The following INTS13 variants were observed in gnomAD, a reference collection of about 807,000 sequenced individuals.
INTS13 encodes integrator complex subunit 13, also known as asunder, spermatogenesis regulator homolog (Drosphila).
Under a neutral mutation model 90.2 loss-of-function variants are expected in INTS13, and 35 were observed. The ratio of observed to expected loss-of-function variants is 0.39; its 90% CI spans 0.30 to 0.51. The LOEUF is 0.51. Among genes scored for constraint, INTS13 ranks in the 20% least tolerant of loss-of-function variants. The pLI is 0.80. For missense variants in INTS13, 601 were observed against 851.2 expected, an observed-to-expected ratio of 0.71 and a Z score of 3.66; for synonymous variants, 309 against 277.1, an observed-to-expected ratio of 1.11 and a Z score of -1.14.
At chr12:26,908,794 A>C (rs1951687729) in intron 15 of INTS13, among the ~76,000 whole-genome samples, 1 of 152,230 alleles carries the variant, frequency 6.6e-6, no homozygotes, top group African/African-American at 2.4e-5. Context: ...AACACTTTTC[A>C]AATATCAGCC....
At chr12:26,927,725 C>T (rs1391360382) in intron 5 of INTS13, among the ~76,000 whole-genome samples, 1 of 152,174 alleles carries the variant, frequency 6.6e-6, no homozygotes, top group Non-Finnish European at 1.5e-5. Flanking sequence ...AAGCAATTTT[C>T]CTGCCTCAGC....
chr12:26,924,797 T>A (rs980936206), intron 6 of INTS13, among the ~76,000 whole-genome samples: 3 of 152,158 alleles, frequency 2.0e-5, no homozygotes, highest in African/African-American at 7.2e-5. Flanking sequence ...TCTTTACAAT[T>A]TTTACGTCTT....
chr12:26,931,070 T>C (rs1938160146), intron 3 of INTS13, among the ~76,000 whole-genome samples: 1 of 151,854 alleles, frequency 6.6e-6, no homozygotes, highest in East Asian at 1.9e-4. Flanking sequence ...AACAGTATGA[T>C]AAAACACATT....
intron 7 of INTS13, 110 bp from the exon 8 acceptor site, chr12:26,922,810 T>C: frequency 3.5e-6 from 2 of 577,140 alleles, no homozygotes; most frequent in South Asian, 2.8e-5. Context: ...ATACATTCAA[T>C]AATAATTAGC....
In INTS13 at chr12:26,924,411, A is replaced by C. The variant is rs761654967; in HGVS notation, c.748T>G (p.Leu250Val). ...GCCAAGTCAAAATGTTGCTGTACTA[A>C]AATATTCAATTTGGTAGCAAGATGC... ...GRHLATKLNI[L>V]VQQHFDLAST... The change falls in exon 7 of 17, where the codon TTA becomes GTA. Residue 250 changes from leucine (L) to valine (V), a missense_variant. Physicochemically the swap from Leu to Val is conservative, Grantham distance 32. Transcript: ENST00000261191. 6.2e-7 allele frequency: 1 copy of C among 1,613,610 alleles called. No homozygotes were observed. The highest frequency in any genetic ancestry group is 8.5e-7 in the Non-Finnish European group (1 of 1,179,664).
rs571333926 is a variant in INTS13 at position 26,926,258 on chromosome 12, T to C, written c.585-407A>G. On this transcript the variant is annotated intron_variant, in intron 5 of 16. Transcript: ENST00000261191. ...AGTTATTTCCAAGTTATAGGATTGG[T>C]AATGCTAAAAATTTCCCCCAACTTT... Among the ~76,000 whole-genome samples the C allele has an allele frequency of 2.0e-5, 3 of 152,334 alleles. No homozygotes were observed. In the South Asian group the frequency reaches 6.2e-4, roughly 32 times the overall value.
chr12:26,934,764 G>A, intron 2 of INTS13, 134 bp from the exon 3 acceptor site: 2 of 753,002 alleles, frequency 2.7e-6, no homozygotes, highest in Middle Eastern at 7.7e-4. Flanking sequence ...TACAGAATGT[G>A]TAGTATATGC....
At chr12:26,929,096 G>T (rs752667119) in intron 3 of INTS13, 191 bp from the exon 4 acceptor site, 2 of 546,300 alleles carry the variant, frequency 3.7e-6, no homozygotes, top group Non-Finnish European at 3.2e-6. Context: ...TTTATTCTAG[G>T]AATGCAAAGT....
chr12:26,924,921 A>G (rs1040230800), intron 6 of INTS13, among the ~76,000 whole-genome samples: 1 of 152,226 alleles, frequency 6.6e-6, no homozygotes, highest in African/African-American at 2.4e-5. Flanking sequence ...AATCGCCACA[A>G]AAATTTCATT....
chr12:26,913,398 T>G, intron 14 of INTS13, 59 bp downstream of exon 14: 1 of 1,244,178 alleles, frequency 8.0e-7, no homozygotes. Flanking sequence ...GAAAGTGTTC[T>G]ATGCAGAATG....
chr12:26,928,404 A>G, intron 4 of INTS13, 119 bp from the exon 5 acceptor site: 3 of 805,428 alleles, frequency 3.7e-6, no homozygotes, highest in Non-Finnish European at 6.1e-6. Flanking sequence ...ACTAAGGACT[A>G]TCTTTAGTGT....
intron 11 of INTS13, among the ~76,000 whole-genome samples, chr12:26,915,506 C>T (rs941244253): frequency 2.3e-4 from 35 of 152,032 alleles, no homozygotes; most frequent in African/African-American, 8.5e-4. Flanking sequence ...GTTTTTACAA[C>T]CACCTCAAGA....
At chr12:26,927,210 G>A (rs993282353) in intron 5 of INTS13, among the ~76,000 whole-genome samples, 6 of 152,228 alleles carry the variant, frequency 3.9e-5, no homozygotes, top group Admixed American at 6.5e-5. Flanking sequence ...AACATGAGGA[G>A]GGGGTTGTGG....
At chr12:26,917,808 AC>A in intron 8 of INTS13, 75 bp from the exon 9 acceptor site, 4 of 1,054,398 alleles carry the variant, frequency 3.8e-6, no homozygotes, top group South Asian at 1.3e-5. Context: ...ATAAATATGT[AC>A]AATTATGTTT....
At chr12:26,924,223 C>A in intron 7 of INTS13, 132 bp downstream of exon 7, 1 of 859,892 alleles carries the variant, frequency 1.2e-6, no homozygotes, top group Non-Finnish European at 1.7e-6. Context: ...AAACTCCTGG[C>A]CTCAAGTGAT....
chr12:26,928,422 C>A, intron 4 of INTS13, 137 bp from the exon 5 acceptor site: 1 of 725,554 alleles, frequency 1.4e-6, no homozygotes, highest in Admixed American at 2.8e-5. Flanking sequence ...TGTGCTAAGT[C>A]ATACCACTAA....
intron 5 of INTS13, 61 bp from the exon 6 acceptor site, chr12:26,925,912 G>A: frequency 1.7e-6 from 2 of 1,193,496 alleles, no homozygotes; most frequent in African/African-American, 1.5e-5. Context: ...AATTCAAGCA[G>A]GTAAACTACT....
Position 26,936,569 on chromosome 12 carries a change from T to G in INTS13, c.225+10A>C. ...CCAAAATCATGATTTTGTTTGTACT[T>G]CACACTCACCAGCTTTTTGAAAGGA... is the stretch of plus-strand genomic sequence containing the variant. On this transcript the variant is annotated intron_variant, in intron 2 of 16. Coordinates refer to ENST00000261191, the MANE Select transcript of INTS13 (RefSeq NM_018164.3). 1 of 1,584,032 alleles carries G rather than the reference T, an allele frequency of 6.3e-7. No individual in the cohort carries two copies. Among genetic ancestry groups the G allele is most frequent in the African/African-American group, 1.3e-5 (1 of 74,318 alleles).
chr12:26,913,759 A>G, intron 13 of INTS13, 72 bp from the exon 14 acceptor site: 1 of 1,344,086 alleles, frequency 7.4e-7, no homozygotes, highest in East Asian at 2.3e-5. Flanking sequence ...AGTAAAAACA[A>G]ATAATGAAAT....
Sources: allele counts gnomAD v4.1 joint callset (sites outside exome capture counted in the v4.1 genomes callset), GRCh38; gene constraint gnomAD v4.1.1; transcripts MANE v1.5; gene names NCBI Gene and HGNC (gene_info 2026-07-23, HGNC 2026-07-21).